GPR149: variants seen among roughly 807,000 people sequenced by gnomAD.
The protein encoded by GPR149 is G protein-coupled receptor 149, also known as probable G protein-coupled receptor 149.
Under a neutral mutation model 50.2 loss-of-function variants are expected in GPR149, and 50 were observed. The observed-to-expected ratio is 1.00, with a 90% CI of 0.79 to 1.26. The LOEUF (loss-of-function observed/expected upper bound fraction) is 1.26. GPR149 is among the 50% of genes most tolerant of loss of function. GPR149 has a pLI of 0.00. For synonymous variants in GPR149, 405 were observed against 358.2 expected (o/e 1.13, Z -1.48); for missense variants, 983 against 895.4 (o/e 1.10, Z -1.25).
chr3:154,352,199 A>G (rs1714097169), intron 3 of GPR149: 1 of 882,516 alleles, frequency 1.1e-6, no homozygotes, highest in Non-Finnish European at 1.7e-6. Context: ...TTCATCTTCT[A>G]CCATCTTGTC....
chr3:154,428,726 T>C lies in GPR149; in HGVS notation c.890A>G (p.Tyr297Cys). Residue 297 changes from tyrosine to cysteine, a missense_variant, in exon 1 of 4, where the codon TAT (tyrosine) becomes TGT (cysteine). Physicochemically the swap from Tyr to Cys is radical, Grantham distance 194. Transcript: ENST00000389740. ...ACRRENRGTL[Y>C]GTRSFTVSVA... is the part of the protein sequence containing the mutation. ...GCTCACGGTGAAGCTCCTGGTGCCA[T>C]AGAGAGTCCCCCGGTTCTCACGCCT... 18 of 1,614,028 alleles carry C rather than the reference T, an allele frequency of 1.1e-5. No homozygotes were observed. The highest frequency in any genetic ancestry group is 1.4e-5 in the Non-Finnish European group (17 of 1,180,014).
In GPR149 at chr3:154,428,683, G is replaced by A; in HGVS notation, c.933C>T (p.Phe311=). 3 of 1,614,000 alleles carry A rather than the reference G, an allele frequency of 1.9e-6. No homozygotes were observed. Among genetic ancestry groups the A allele is most frequent in the East Asian group, 2.2e-5 (1 of 44,838 alleles). The part of the protein sequence containing the change: ...SFTVSVAQKR[F]ALILALTKVV... ...CTTTTGTAAGCGCTAGGATCAAAGC[G>A]AAGCGCTTCTGCGCTACGCTCACGG... Residue 311 remains phenylalanine (F), a synonymous_variant, in exon 1 of 4, where the codon TTC becomes TTT. Coordinates refer to ENST00000389740, the MANE Select transcript of GPR149 (RefSeq NM_001038705.3).
At position 154,338,205 on chromosome 3, in the gene GPR149, T is replaced by G; in HGVS notation, c.1690A>C (p.Thr564Pro). 6.2e-7 allele frequency: 1 copy of G among 1,613,906 alleles called. No individual in the cohort carries two copies. Among genetic ancestry groups the G allele is most frequent in the Non-Finnish European group, 8.5e-7 (1 of 1,179,936 alleles). ...FQGTVSLHAP[T>P]GKTLSLSTYE... ...GTAGAAAGAGATAGGGTTTTCCCTG[T>G]AGGTGCATGGAGAGACACAGTCCCC... Residue 564 changes from threonine to proline, a missense_variant, in exon 4 of 4, where the codon ACA (threonine) becomes CCA (proline). Coordinates refer to ENST00000389740, the MANE Select transcript of GPR149 (RefSeq NM_001038705.3).
At chr3:154,354,296 C>G in intron 3 of GPR149, 1 of 350,148 alleles carries the variant, frequency 2.9e-6, no homozygotes, top group Non-Finnish European at 5.6e-6. Context: ...TTCATAACAA[C>G]CCTATAAGGG....
intron 3 of GPR149, among the ~76,000 whole-genome samples, chr3:154,393,373 C>A (rs1715213967): frequency 6.6e-6 from 1 of 151,950 alleles, no homozygotes; most frequent in Admixed American, 6.6e-5. Flanking sequence ...TGTTAAAATT[C>A]AACATCCTTT....
chr3:154,408,859 TC>T (rs1437808531), intron 3 of GPR149, among the ~76,000 whole-genome samples: 1 of 152,188 alleles, frequency 6.6e-6, no homozygotes, highest in African/African-American at 2.4e-5. Context: ...GTTTACATCC[TC>T]CCTATAGGGC....
At chr3:154,350,951 C>A (rs954159370) in intron 3 of GPR149, among the ~76,000 whole-genome samples, 3 of 151,938 alleles carry the variant, frequency 2.0e-5, no homozygotes, top group Admixed American at 2.0e-4. Context: ...TAGCTGTTTA[C>A]TATATTGTTT....
rs111393900 is a variant in GPR149, at chr3:154,340,398, A to G, written c.1624-2127T>C. 4.6e-3 allele frequency among the ~76,000 whole-genome samples: 698 copies of G among 152,342 alleles called. 4 individuals are homozygous for G. Among genetic ancestry groups the G allele is most frequent in the African/African-American group, 0.016 (655 of 41,574 alleles). ...AGGTTCATCACAGCATCAGACTACTATTAATATTTGAGTGGTGGCAACTTT... is the reference window on the plus strand; with the variant it reads ...AGGTTCATCACAGCATCAGACTACTGTTAATATTTGAGTGGTGGCAACTTT... On this transcript the variant is annotated intron_variant, in intron 3 of 3. Coordinates refer to ENST00000389740, the MANE Select transcript of GPR149 (RefSeq NM_001038705.3).
rs759660189 is a variant in GPR149 at position 154,337,927 on chromosome 3, C to T, written c.1968G>A (p.Arg656=). Residue 656 remains arginine (R), a synonymous_variant, in exon 4 of 4, where the codon AGG becomes AGA. Coordinates refer to ENST00000389740, the MANE Select transcript of GPR149 (RefSeq NM_001038705.3). ...CACATGAAACAAATCTGTTTTCTTT[C>T]CTGGAGTAACGTAGGGATGGAGATC... The part of the protein sequence containing the change: ...QVRSPSLRYS[R]KENRFVSCDL... 12 of 1,612,818 alleles carry T rather than the reference C, an allele frequency of 7.4e-6. No homozygotes were observed. In the South Asian group the frequency reaches 1.3e-4, roughly 18 times the overall value.
chr3:154,420,711 CA>C (rs1712117534), intron 3 of GPR149, among the ~76,000 whole-genome samples: 1 of 151,796 alleles, frequency 6.6e-6, no homozygotes, highest in South Asian at 2.1e-4. Flanking sequence ...ATAAAATATA[CA>C]AATTAAATTA....
At chr3:154,383,800 G>A (rs1331998276) in intron 3 of GPR149, among the ~76,000 whole-genome samples, 7 of 152,040 alleles carry the variant, frequency 4.6e-5, no homozygotes, top group African/African-American at 1.7e-4. Context: ...ATTAGGTCAT[G>A]AGGGTAGAGC....
At chr3:154,378,294 A>G (rs1714840267) in intron 3 of GPR149, among the ~76,000 whole-genome samples, 1 of 151,956 alleles carries the variant, frequency 6.6e-6, no homozygotes, top group South Asian at 2.1e-4. Context: ...GTGTTTCACC[A>G]TGTTGGCCAG....
intron 3 of GPR149, among the ~76,000 whole-genome samples, chr3:154,361,894 C>G (rs774938043): frequency 2.0e-5 from 3 of 152,134 alleles, no homozygotes; most frequent in Non-Finnish European, 4.4e-5. Flanking sequence ...CATACAAATA[C>G]AAGCAGAGCT....
In GPR149 at chr3:154,370,178, A is replaced by C. The variant is rs572145659; in HGVS notation, c.1624-31907T>G. Among the ~76,000 whole-genome samples, 181 of 152,338 alleles carry C rather than the reference A, an allele frequency of 1.2e-3. 1 individual carries two copies. Among genetic ancestry groups the C allele is most frequent in the Non-Finnish European group, 2.2e-3 (153 of 68,032 alleles). Reference sequence around the variant, plus strand: ...ACCTCCCTAACTCCATATTCTGTAGAAGGTCAACTTATTTTAAAGGATAAA... The same window carrying C: ...ACCTCCCTAACTCCATATTCTGTAGCAGGTCAACTTATTTTAAAGGATAAA... On this transcript the variant is annotated intron_variant, in intron 3 of 3. Coordinates refer to ENST00000389740, the MANE Select transcript of GPR149 (RefSeq NM_001038705.3).
chr3:154,352,189 T>C, intron 3 of GPR149: 1 of 847,086 alleles, frequency 1.2e-6, no homozygotes. Context: ...CTATTCCCAC[T>C]TCATCTTCTA....
rs1329137758 is a variant in GPR149, at chr3:154,421,256, C to A, written c.1406G>T (p.Gly469Val). 4 of 1,613,356 alleles carry A rather than the reference C, an allele frequency of 2.5e-6. No individual in the cohort carries two copies. The South Asian group carries it at 4.4e-5, about 18-fold the overall frequency. Residue 469 changes from glycine (G) to valine (V), a missense_variant, in exon 3 of 4, where the codon GGC (glycine) becomes GTC (valine). Coordinates refer to ENST00000389740, the MANE Select transcript of GPR149 (RefSeq NM_001038705.3). ...TPSLDSSTQR[G>V]INKCTNTDIT... The stretch of plus-strand genomic sequence containing the variant: ...ATCAGTATTTGTGCATTTGTTGATG[C>A]CTCTTTGTGTGGAGCTGTCCAGAGA...
At chr3:154,412,273 C>G (rs977175078) in intron 3 of GPR149, among the ~76,000 whole-genome samples, 7 of 152,008 alleles carry the variant, frequency 4.6e-5, no homozygotes, top group East Asian at 3.9e-4. Flanking sequence ...AAAAAGCATA[C>G]CCCTGAGACG....
chr3:154,393,358 G>C (rs937790852), intron 3 of GPR149, among the ~76,000 whole-genome samples: 1 of 151,900 alleles, frequency 6.6e-6, no homozygotes, highest in African/African-American at 2.4e-5. Context: ...ATGCAAAAAA[G>C]CATTTGTTAA....
At chr3:154,413,010 T>A (rs929167024) in intron 3 of GPR149, among the ~76,000 whole-genome samples, 1 of 151,670 alleles carries the variant, frequency 6.6e-6, no homozygotes, top group Non-Finnish European at 1.5e-5. Flanking sequence ...ATACTTATAG[T>A]CAACTCATCT....
Sources: gnomAD v4.1 joint callset for allele counts (sites outside exome capture counted in the v4.1 genomes callset) on GRCh38, gnomAD v4.1.1 for gene constraint, MANE v1.5 for transcripts, NCBI Gene and HGNC (gene_info 2026-07-23, HGNC 2026-07-21) for gene names.